The following COL6A5 variants were observed in gnomAD, a reference collection of about 807,000 sequenced individuals.
The protein encoded by COL6A5 is collagen type VI alpha 5 chain.
In COL6A5, 48 loss-of-function variants were observed where a neutral mutation model predicts 65.6. That is an observed-to-expected ratio of 0.73 (90% CI 0.58 to 0.93). COL6A5 has a LOEUF of 0.93. Ranked by LOEUF, COL6A5 falls within the 40% of genes least tolerant of loss-of-function variation. The probability of loss-of-function intolerance (pLI) is 0.00; values close to 1 mark genes in which losing one functional copy is unlikely to be tolerated. For missense variants in COL6A5, 914 were observed against 928.3 expected, an observed-to-expected ratio of 0.98 and a Z score of 0.20; for synonymous variants, 291 against 322.8, an observed-to-expected ratio of 0.90 and a Z score of 1.05.
intron 15 of COL6A5, 41 bp from the exon 16 acceptor site, chr3:130,406,090 G>GACCTGCTTTT (rs1338276895): frequency 6.5e-6 from 10 of 1,547,894 alleles, no homozygotes; most frequent in Non-Finnish European, 8.7e-6. Context: ...GTGTGGCAGA[G>GACCTGCTTTT]ACCTGCTTTT....
rs79734395 is a variant in COL6A5 at position 130,438,507 on chromosome 3, A to G, written c.488-1015A>G. 9.0e-3 allele frequency among the ~76,000 whole-genome samples: 1,371 copies of G among 152,346 alleles called. 19 individuals are homozygous for G. The highest frequency in any genetic ancestry group is 0.056 in the East Asian group (289 of 5,178). On this transcript the variant is annotated intron_variant, in intron 1 of 7. Coordinates refer to ENST00000512836, the Ensembl canonical transcript of COL6A5. ...TCTAGTCTTTACATGTGGGACCAAC[A>G]AGGTCAAATACAAAATAACACCCAA...
intron 1 of COL6A5, among the ~76,000 whole-genome samples, chr3:130,434,013 G>A (rs1040279351): frequency 1.5e-4 from 23 of 150,696 alleles, no homozygotes; most frequent in Admixed American, 2.6e-4. Flanking sequence ...AGAACATGCC[G>A]GTTTGTTACA....
At chr3:130,421,116 C>G (rs1420571188) in intron 25 of COL6A5, 37 bp from the exon 26 acceptor site, 2 of 1,536,656 alleles carry the variant, frequency 1.3e-6, no homozygotes, top group African/African-American at 2.8e-5. Flanking sequence ...TAATTTCCAC[C>G]TTTGAGAAAT....
intron 5 of COL6A5, among the ~76,000 whole-genome samples, chr3:130,461,957 G>C (rs762430284): frequency 6.6e-6 from 1 of 151,764 alleles, no homozygotes; most frequent in Admixed American, 6.6e-5. Flanking sequence ...GACCCACAAG[G>C]CTCACTTTTA....
chr3:130,398,054 C>T, exon 10 of COL6A5: 1 of 1,550,774 alleles, frequency 6.4e-7, no homozygotes, highest in Non-Finnish European at 8.7e-7. Context: ...TTCAGACGGT[C>T]TCCAGAGTGA....
intron 7 of COL6A5, among the ~76,000 whole-genome samples, chr3:130,472,832 C>CATATATATAT (rs10654631): frequency 0.1 from 10,017 of 99,026 alleles, 658 homozygotes; most frequent in Non-Finnish European, 0.12. Flanking sequence ...TGTGTGTATA[C>CATATATATAT]ATATATATAT....
intron 8 of COL6A5, among the ~76,000 whole-genome samples, chr3:130,396,865 T>C (rs1292612197): frequency 6.6e-6 from 1 of 152,218 alleles, no homozygotes; most frequent in Non-Finnish European, 1.5e-5. Flanking sequence ...ATTTATTTTT[T>C]GTTTTTTATT....
chr3:130,430,619 C>T (rs1255061199), upstream of COL6A5, among the ~76,000 whole-genome samples: 1 of 152,208 alleles, frequency 6.6e-6, no homozygotes, highest in Non-Finnish European at 1.5e-5. Context: ...CATCATAAGA[C>T]ATGAGTATTG....
intron 1 of COL6A5, among the ~76,000 whole-genome samples, chr3:130,350,585 T>C (rs565613553): frequency 6.6e-6 from 1 of 152,278 alleles, no homozygotes; most frequent in African/African-American, 2.4e-5. Flanking sequence ...ATAAAATACC[T>C]AGGTATCCAA....
chr3:130,404,248 G>T (rs1248569172), intron 13 of COL6A5, among the ~76,000 whole-genome samples: 1 of 152,164 alleles, frequency 6.6e-6, no homozygotes, highest in East Asian at 1.9e-4. Context: ...CAATCAAATT[G>T]TGAGAAAGAA....
chr3:130,414,994 A>G (rs751736568), intron 22 of COL6A5, among the ~76,000 whole-genome samples: 8 of 151,932 alleles, frequency 5.3e-5, no homozygotes. Context: ...GGGGGTGGCA[A>G]TGACAGTTAC....
chr3:130,368,762 G>A (rs1213679115), intron 1 of COL6A5, among the ~76,000 whole-genome samples: 8 of 152,120 alleles, frequency 5.3e-5, no homozygotes. Context: ...ACCAAAGGAA[G>A]TAGAGTCATA....
chr3:130,443,386 GC>G, intron 3 of COL6A5, 89 bp from the exon 36 acceptor site: 4 of 962,748 alleles, frequency 4.2e-6, no homozygotes, highest in Non-Finnish European at 6.5e-6. Flanking sequence ...GACATTAGTT[GC>G]TTCAAGAGGA....
At chr3:130,376,400 G>A (rs751266889) in exon 3 of COL6A5, 2 of 1,613,538 alleles carry the variant, frequency 1.2e-6, no homozygotes, top group Non-Finnish European at 1.7e-6. Context: ...ACAGCGACGA[G>A]TTTCACAGTG....
chr3:130,352,308 A>T (rs1010504609), intron 1 of COL6A5, among the ~76,000 whole-genome samples: 2 of 152,268 alleles, frequency 1.3e-5, no homozygotes, highest in South Asian at 4.1e-4. Context: ...AGGTGTAAAA[A>T]AAAAAAGATT....
chr3:130,354,806 G>A lies in COL6A5; in HGVS notation c.-29+8825G>A, dbSNP rs185156555. On this transcript the variant is annotated intron_variant and NMD_transcript_variant, in intron 1 of 41. Transcript: ENST00000312481. ...TGAATAATATTGTAATTTCCTGCGT[G>A]TTCCATGATTTATAGCTGTGCTATC... Among the ~76,000 whole-genome samples, 472 of 152,216 alleles carry A rather than the reference G, an allele frequency of 3.1e-3. 2 individuals are homozygous for A. The highest frequency in any genetic ancestry group is 0.01 in the African/African-American group (430 of 41,542).
chr3:130,426,968 G>T (rs1298628935), upstream of COL6A5, among the ~76,000 whole-genome samples: 2 of 152,032 alleles, frequency 1.3e-5, no homozygotes, highest in Non-Finnish European at 2.9e-5. Context: ...AGGAAATACA[G>T]CAAAAGAAAG....
At chr3:130,402,182 T>C (rs1015083325) in intron 12 of COL6A5, among the ~76,000 whole-genome samples, 1 of 152,226 alleles carries the variant, frequency 6.6e-6, no homozygotes, top group Non-Finnish European at 1.5e-5. Context: ...AGCTTGCACC[T>C]GTAATCCCAG....
chr3:130,436,609 G>A (rs1299439155), intron 1 of COL6A5, among the ~76,000 whole-genome samples: 1 of 152,152 alleles, frequency 6.6e-6, no homozygotes, highest in Admixed American at 6.5e-5. Context: ...GGTTGATTCT[G>A]TTGATTCTGT....
Sources: gnomAD v4.1 joint callset for allele counts (sites outside exome capture counted in the v4.1 genomes callset) on GRCh38, gnomAD v4.1.1 for gene constraint, MANE v1.5 for transcripts, NCBI Gene and HGNC (gene_info 2026-07-23, HGNC 2026-07-21) for gene names.